Variants in FOXP1 observed in about 807,000 individuals in gnomAD.
FOXP1 encodes forkhead box P1, also known as forkhead box protein P1.
FOXP1 carries 15 observed loss-of-function variants against 98.2 expected under a neutral mutation model. The observed-to-expected ratio is 0.15, with a 90% CI of 0.10 to 0.24. The LOEUF is 0.24. Among genes scored for constraint, FOXP1 ranks in the 10% least tolerant of loss-of-function variants. The pLI is 1.00. For missense variants in FOXP1, 633 were observed against 848.5 expected (o/e 0.75, Z 3.15); for synonymous variants, 371 against 314.5 (o/e 1.18, Z -1.90).
rs770786916 is a variant in FOXP1 at position 71,015,590 on chromosome 3, T to G, written c.933A>C (p.Pro311=). The G allele has an allele frequency of 6.8e-6, 11 of 1,613,388 alleles. No homozygotes were observed. The highest frequency in any genetic ancestry group is 3.4e-6 in the Non-Finnish European group (4 of 1,179,450). The change falls in exon 12 of 21, where the codon CCA becomes CCC. Residue 311 remains proline, a synonymous_variant. Transcript: ENST00000649528. Reference sequence around the variant, plus strand: ...AATCTTCGCACACTGCTTCACAGCCTGGCCACTTGCATACACCATGTCCAT... The same window carrying G: ...AATCTTCGCACACTGCTTCACAGCCGGGCCACTTGCATACACCATGTCCAT... ...PLYGHGVCKW[P]GCEAVCEDFQ...
chr3:71,424,696 C>T (rs1215855508), intron 3 of FOXP1, among the ~76,000 whole-genome samples: 1 of 152,222 alleles, frequency 6.6e-6, no homozygotes, highest in Non-Finnish European at 1.5e-5. Context: ...AGGAAAACCA[C>T]CAAAACAAGG....
chr3:71,300,154 GA>G (rs1560269154), intron 4 of FOXP1, among the ~76,000 whole-genome samples: 1 of 152,066 alleles, frequency 6.6e-6, no homozygotes, highest in East Asian at 1.9e-4. Flanking sequence ...GTTGTCTATC[GA>G]TTTATTTTCA....
intron 11 of FOXP1, among the ~76,000 whole-genome samples, chr3:71,036,697 A>G (rs978906686): frequency 6.6e-5 from 10 of 152,142 alleles, no homozygotes; most frequent in Non-Finnish European, 1.0e-4. Context: ...CATGAGGTTC[A>G]TTTATGTTCT....
chr3:71,430,900 G>A (rs904703639), intron 3 of FOXP1, among the ~76,000 whole-genome samples: 3 of 152,122 alleles, frequency 2.0e-5, no homozygotes, highest in African/African-American at 7.2e-5. Flanking sequence ...ACTGACTTTA[G>A]AGCAACGCAG....
intron 5 of FOXP1, among the ~76,000 whole-genome samples, chr3:71,291,946 C>G (rs540325710): frequency 6.6e-6 from 1 of 152,016 alleles, no homozygotes; most frequent in Non-Finnish European, 1.5e-5. Flanking sequence ...ACCTCGTGAT[C>G]TGCCTGCCTC....
At chr3:70,970,094 A>T (rs966059566) in intron 19 of FOXP1, 1 of 152,440 alleles carries the variant, frequency 6.6e-6, no homozygotes, top group Non-Finnish European at 1.5e-5. Flanking sequence ...CCGCGTCTTC[A>T]TCTCCTGGTA....
intron 3 of FOXP1, among the ~76,000 whole-genome samples, chr3:71,449,377 AAAG>A (rs1353684226): frequency 1.3e-5 from 2 of 152,172 alleles, no homozygotes; most frequent in African/African-American, 4.8e-5. Context: ...TCCGGTGTTA[AAAG>A]AAGTGAAATG....
At chr3:71,256,575 G>A (rs1349741097) in intron 5 of FOXP1, among the ~76,000 whole-genome samples, 1 of 152,014 alleles carries the variant, frequency 6.6e-6, no homozygotes, top group Non-Finnish European at 1.5e-5. Context: ...GTAGAGATGG[G>A]GATTCACCAT....
At chr3:71,376,476 T>G (rs1363913226) in intron 3 of FOXP1, among the ~76,000 whole-genome samples, 1 of 152,198 alleles carries the variant, frequency 6.6e-6, no homozygotes, top group Non-Finnish European at 1.5e-5. Context: ...TCAAAAGCAA[T>G]GGTAGTATAC....
chr3:71,071,901 AACG>A (rs2053282467), intron 7 of FOXP1, among the ~76,000 whole-genome samples: 1 of 152,290 alleles, frequency 6.6e-6, no homozygotes, highest in East Asian at 1.9e-4. Flanking sequence ...CAACAACAAC[AACG>A]ACAACAACAA....
chr3:71,221,709 C>G (rs2065398761), intron 5 of FOXP1, among the ~76,000 whole-genome samples: 1 of 152,244 alleles, frequency 6.6e-6, no homozygotes, highest in Admixed American at 6.5e-5. Context: ...TTCTATCCCT[C>G]TAGTTCCCAT....
intron 3 of FOXP1, among the ~76,000 whole-genome samples, chr3:71,385,174 G>A (rs1202283334): frequency 1.3e-5 from 2 of 151,724 alleles, no homozygotes; most frequent in African/African-American, 2.4e-5. Context: ...TATGCATTTC[G>A]GCAGATGAAT....
intron 7 of FOXP1, among the ~76,000 whole-genome samples, chr3:71,072,270 G>C (rs1339767585): frequency 3.3e-5 from 5 of 152,166 alleles, no homozygotes; most frequent in Admixed American, 1.3e-4. Context: ...AGTGAGCCCT[G>C]ATCACGTCAT....
intron 6 of FOXP1, among the ~76,000 whole-genome samples, chr3:71,186,983 T>C (rs972634509): frequency 6.6e-6 from 1 of 152,232 alleles, no homozygotes; most frequent in Non-Finnish European, 1.5e-5. Flanking sequence ...AACGCAGTTA[T>C]AGGCAACAGT....
At chr3:71,030,012 G>T (rs1477499802) in intron 11 of FOXP1, among the ~76,000 whole-genome samples, 1 of 152,122 alleles carries the variant, frequency 6.6e-6, no homozygotes, top group East Asian at 1.9e-4. Context: ...CTCACAATTT[G>T]ATCTAAGACG....
At chr3:71,197,449 G>A (rs7429040) in intron 6 of FOXP1, among the ~76,000 whole-genome samples, 2,062 of 152,124 alleles carry the variant, frequency 0.014, 50 homozygotes, top group African/African-American at 0.047. Context: ...TTCTTGGGTC[G>A]CCTGTACCAT....
intron 2 of FOXP1, among the ~76,000 whole-genome samples, chr3:71,547,092 ACT>A (rs1344554325): frequency 2.0e-5 from 3 of 152,146 alleles, no homozygotes; most frequent in Middle Eastern, 3.2e-3. Flanking sequence ...AGGAAATAAA[ACT>A]CTTATGAAAT....
At chr3:71,181,829 A>G (rs995522441) in intron 6 of FOXP1, among the ~76,000 whole-genome samples, 3 of 152,020 alleles carry the variant, frequency 2.0e-5, no homozygotes, top group Non-Finnish European at 4.4e-5. Flanking sequence ...TCAGGAGATC[A>G]AGACTATCCT....
chr3:71,028,563 CCAGGTTCTCTTA>C (rs1485842135), intron 11 of FOXP1, among the ~76,000 whole-genome samples: 1 of 152,192 alleles, frequency 6.6e-6, no homozygotes, highest in Non-Finnish European at 1.5e-5. Flanking sequence ...CAACAGCTAA[CCAGGTTCTCTTA>C]CAGAAGTGCT....
Sources: allele counts gnomAD v4.1 joint callset (sites outside exome capture counted in the v4.1 genomes callset), GRCh38; gene constraint gnomAD v4.1.1; transcripts MANE v1.5; gene names NCBI Gene and HGNC (gene_info 2026-07-23, HGNC 2026-07-21).